Variants in ANKS1A observed in about 807,000 individuals in gnomAD.
The protein encoded by ANKS1A is ankyrin repeat and sterile alpha motif domain containing 1A.
A neutral mutation model predicts 120.3 loss-of-function variants in ANKS1A; 55 were observed. The ratio of observed to expected loss-of-function variants is 0.46; its 90% confidence interval spans 0.37 to 0.57. The LOEUF is 0.57. Ranked by LOEUF, ANKS1A falls within the 20% of genes least tolerant of loss-of-function variation. The probability of loss-of-function intolerance (pLI) is 0.00; values close to 1 mark genes in which losing one functional copy is unlikely to be tolerated. For missense variants in ANKS1A, 1,123 were observed against 1,480.3 expected (o/e 0.76, Z 3.96); for synonymous variants, 590 against 604.7 (o/e 0.98, Z 0.36).
chr6:35,090,142 G>A lies in ANKS1A; in HGVS notation c.*1533G>A, dbSNP rs140887011. On this transcript the variant is annotated 3_prime_UTR_variant, in exon 24 of 24. Transcript: ENST00000360359. Reference sequence around the variant, plus strand: ...GGGCCTGGGACTCAGCTCTCTCTGCGGTAGAGGCAGGCCCTCCTCCACTTC... The same window carrying A: ...GGGCCTGGGACTCAGCTCTCTCTGCAGTAGAGGCAGGCCCTCCTCCACTTC... 3.1e-4 allele frequency: 395 copies of A among 1,289,428 alleles called. 1 individual carries two copies. The African/African-American group carries it at 4.0e-3, about 13-fold the overall frequency. 79.9% of individuals were successfully genotyped at this position (1,289,428 alleles called of 1,614,324 possible). A position where few individuals can be genotyped will look rare whatever the true frequency, so the allele number is the denominator to read the frequency against.
intron 11 of ANKS1A, 41 bp downstream of exon 11, chr6:35,018,100 G>A (rs1260352120): frequency 6.3e-7 from 1 of 1,580,068 alleles, no homozygotes; most frequent in Non-Finnish European, 8.6e-7. Flanking sequence ...GGCTGGCCAG[G>A]CTGGCCGCAG....
chr6:35,041,048 G>GT (rs1175782383), intron 11 of ANKS1A, among the ~76,000 whole-genome samples: 2 of 149,516 alleles, frequency 1.3e-5, no homozygotes, highest in Non-Finnish European at 1.5e-5. Flanking sequence ...AAACTGAGAG[G>GT]TTTGCGGAAA....
Position 35,088,718 on chromosome 6 carries a change from C to T in ANKS1A, c.*109C>T. 1 of 1,609,824 alleles carries T rather than the reference C, an allele frequency of 6.2e-7. No individual in the cohort carries two copies. Among genetic ancestry groups the T allele is most frequent in the South Asian group, 1.1e-5 (1 of 90,808 alleles). On this transcript the variant is annotated 3_prime_UTR_variant, in exon 24 of 24. Coordinates refer to ENST00000360359, the MANE Select transcript of ANKS1A (RefSeq NM_015245.3). Reference sequence around the variant, plus strand: ...GCAGCTCTGAAGACCCAGGCCTCACCTCCGCCTGCAGGACCTCCTCTTGGC... The same window carrying T: ...GCAGCTCTGAAGACCCAGGCCTCACTTCCGCCTGCAGGACCTCCTCTTGGC...
intron 13 of ANKS1A, among the ~76,000 whole-genome samples, chr6:35,062,374 A>T (rs1156778800): frequency 2.0e-5 from 3 of 152,268 alleles, no homozygotes; most frequent in Non-Finnish European, 4.4e-5. Flanking sequence ...ACAGCCTAAA[A>T]AAAGAAGGCA....
intron 13 of ANKS1A, among the ~76,000 whole-genome samples, chr6:35,068,734 G>C (rs1182571018): frequency 6.6e-6 from 1 of 152,200 alleles, no homozygotes; most frequent in Non-Finnish European, 1.5e-5. Flanking sequence ...CAGGATCATA[G>C]CTCTGTCTCG....
intron 11 of ANKS1A, among the ~76,000 whole-genome samples, chr6:35,041,342 T>C (rs1038713121): frequency 2.0e-5 from 3 of 152,216 alleles, no homozygotes; most frequent in African/African-American, 7.2e-5. Flanking sequence ...TGGAATCTTC[T>C]TGCAGGCTGA....
chr6:34,895,195 G>GT (rs34450807), intron 1 of ANKS1A, among the ~76,000 whole-genome samples: 97,428 of 137,920 alleles, frequency 0.71, 35,810 homozygotes, highest in Non-Finnish European at 0.84. Flanking sequence ...AAGGACTTTG[G>GT]TTTTTTTTTT....
intron 10 of ANKS1A, among the ~76,000 whole-genome samples, chr6:34,999,103 T>C (rs1443729190): frequency 6.6e-6 from 1 of 152,230 alleles, no homozygotes; most frequent in Non-Finnish European, 1.5e-5. Flanking sequence ...TAAAACTTGG[T>C]AAGACTTGTC....
chr6:35,023,855 G>A (rs574234495), intron 11 of ANKS1A: 2 of 186,518 alleles, frequency 1.1e-5, no homozygotes, highest in South Asian at 2.1e-4. Context: ...ATGGCATCAC[G>A]TGAAGCTGCT....
chr6:35,033,491 C>T (rs1775002338), intron 11 of ANKS1A, among the ~76,000 whole-genome samples: 1 of 152,162 alleles, frequency 6.6e-6, no homozygotes, highest in Non-Finnish European at 1.5e-5. Flanking sequence ...CTGCTGATCC[C>T]CAAATAAGGT....
At chr6:35,001,179 A>G (rs532545818) in intron 10 of ANKS1A, among the ~76,000 whole-genome samples, 1 of 152,362 alleles carries the variant, frequency 6.6e-6, no homozygotes, top group South Asian at 2.1e-4. Flanking sequence ...TATAAGAAGC[A>G]TTATTAAATA....
Position 34,983,122 on chromosome 6 carries a change from T to C in ANKS1A, c.818T>C (p.Val273Ala), listed in dbSNP as rs1276356368. 6.2e-7 allele frequency: 1 copy of C among 1,614,054 alleles called. No homozygotes were observed. Residue 273 changes from valine to alanine, a missense_variant, in exon 6 of 24, where the codon GTC becomes GCC. This residue lies in a region of ANKS1A where 904 missense variants were observed against 1,130.4 expected (regional missense o/e 0.80). Transcript: ENST00000360359. ...TGGTGTGCCTTTCTAGGAACTGACG[T>C]CAACATAAAAGATAACCATGGACTG... ...VQILLAAGTD[V>A]NIKDNHGLTA...
chr6:35,096,283 C>T (rs576422624), downstream of ANKS1A, among the ~76,000 whole-genome samples: 79 of 152,216 alleles, frequency 5.2e-4, no homozygotes, highest in Non-Finnish European at 9.7e-4. Flanking sequence ...AAGGACACTA[C>T]ATCCCTCCCT....
In ANKS1A at chr6:35,050,010, G is replaced by A. The variant is rs556026786; in HGVS notation, c.2011-4089G>A. Among the ~76,000 whole-genome samples the A allele has an allele frequency of 1.3e-5, 2 of 152,212 alleles. No individual in the cohort carries two copies. The highest frequency in any genetic ancestry group is 2.1e-4 in the South Asian group (1 of 4,814). On this transcript the variant is annotated intron_variant, in intron 11 of 23. Transcript: ENST00000360359. The surrounding 1 kb of genome is among the most constrained non-coding windows in gnomAD (Gnocchi z 4.3). ...TAGTTGTCATCTGCGTGGCTCTGCCGCCTGGTGATGGGGGATGGAGACCTC... is the reference window on the plus strand; with the variant it reads ...TAGTTGTCATCTGCGTGGCTCTGCCACCTGGTGATGGGGGATGGAGACCTC...
chr6:35,021,999 A>AG (rs1774370316), intron 11 of ANKS1A, among the ~76,000 whole-genome samples: 1 of 151,480 alleles, frequency 6.6e-6, no homozygotes, highest in African/African-American at 2.4e-5. Flanking sequence ...AAAAAAAAAA[A>AG]CAAAACAGAG....
intron 13 of ANKS1A, among the ~76,000 whole-genome samples, chr6:35,070,484 CTTTTTTTTTTT>C (rs869249276): frequency 3.2e-5 from 2 of 62,972 alleles, no homozygotes; most frequent in Admixed American, 2.3e-4. Flanking sequence ...AAGCCTTTAT[CTTTTTTTTTTT>C]TTTTTTTTTT....
chr6:34,917,472 C>T (rs915834696), intron 1 of ANKS1A, among the ~76,000 whole-genome samples: 1 of 152,210 alleles, frequency 6.6e-6, no homozygotes, highest in African/African-American at 2.4e-5. Context: ...TATCAAAATT[C>T]CTATGACCAC....
intron 23 of ANKS1A, 85 bp downstream of exon 23, chr6:35,087,134 C>A: frequency 7.4e-7 from 1 of 1,347,136 alleles, no homozygotes; most frequent in Non-Finnish European, 1.1e-6. Context: ...TTTCTGCTGT[C>A]CTCAACTCTC....
At chr6:35,061,455 C>T (rs530179882) in intron 13 of ANKS1A, among the ~76,000 whole-genome samples, 8 of 152,164 alleles carry the variant, frequency 5.3e-5, no homozygotes, top group Non-Finnish European at 7.4e-5. Context: ...GCATGCAGCT[C>T]GCACCACCTG....
Sources: gnomAD v4.1 joint callset for allele counts (sites outside exome capture counted in the v4.1 genomes callset) on GRCh38, gnomAD v4.1.1 for gene constraint, gnomAD v4.1.1 regional missense constraint, Gnocchi (gnomAD v3.1) non-coding constraint, MANE v1.5 for transcripts, NCBI Gene and HGNC (gene_info 2026-07-23, HGNC 2026-07-21) for gene names.